The following MCCC2 variants were observed in gnomAD, a reference collection of about 807,000 sequenced individuals.
The protein encoded by MCCC2 is methylcrotonoyl-CoA carboxylase beta chain, mitochondrial.
A neutral mutation model predicts 77.2 loss-of-function variants in MCCC2; 52 were observed. The observed-to-expected ratio is 0.67, with a 90% CI of 0.54 to 0.85. The LOEUF (loss-of-function observed/expected upper bound fraction) is 0.85. MCCC2 is among the 40% of genes least tolerant of loss of function. MCCC2 has a pLI of 0.00. For synonymous variants in MCCC2, 253 were observed against 248.4 expected (o/e 1.02, Z -0.18); for missense variants, 682 against 703.2 (o/e 0.97, Z 0.34).
intron 15 of MCCC2, among the ~76,000 whole-genome samples, chr5:71,651,888 T>G (rs1044360140): frequency 6.6e-6 from 1 of 152,198 alleles, no homozygotes; most frequent in African/African-American, 2.4e-5. Flanking sequence ...CTTTGATTAC[T>G]TCAATATACA....
At chr5:71,612,995 G>T (rs1284825829) in intron 6 of MCCC2, among the ~76,000 whole-genome samples, 1 of 152,166 alleles carries the variant, frequency 6.6e-6, no homozygotes, top group East Asian at 1.9e-4. Context: ...CCAGCTCCTG[G>T]TGGCTCCAGG....
chr5:71,622,845 G>T (rs957404732), intron 6 of MCCC2, among the ~76,000 whole-genome samples: 9 of 152,158 alleles, frequency 5.9e-5, no homozygotes, highest in African/African-American at 2.2e-4. Context: ...GGTGGCTCAC[G>T]CCTGTAATCC....
At chr5:71,609,417 A>G (rs1254820426) in intron 6 of MCCC2, among the ~76,000 whole-genome samples, 3 of 151,162 alleles carry the variant, frequency 2.0e-5, no homozygotes, top group Non-Finnish European at 3.0e-5. Context: ...TTTCAGCTCC[A>G]TCAGCTCCTT....
At chr5:71,603,814 A>G (rs1745553820) in intron 5 of MCCC2, among the ~76,000 whole-genome samples, 1 of 152,202 alleles carries the variant, frequency 6.6e-6, no homozygotes, top group Admixed American at 6.6e-5. Flanking sequence ...AATATATGAT[A>G]TGGCTCCTTT....
intron 10 of MCCC2, chr5:71,636,033 A>G (rs1431035823): frequency 6.9e-6 from 2 of 290,966 alleles, no homozygotes; most frequent in African/African-American, 4.4e-5. Flanking sequence ...TGTAGTTGAG[A>G]TAGTCTATAC....
chr5:71,604,469 G>A lies in MCCC2; in HGVS notation c.624+1G>A. ...TATGTCTTCTAAAAATATTGCACAG[G>A]TAATTTTTCATGAATAAAGTGTACA... On this transcript the variant is annotated splice_donor_variant, in intron 6 of 16. Transcript: ENST00000340941. LOFTEE classifies it high-confidence loss of function. 1.2e-6 allele frequency: 2 copies of A among 1,608,270 alleles called. No individual in the cohort carries two copies. Among genetic ancestry groups the A allele is most frequent in the Non-Finnish European group, 8.5e-7 (1 of 1,174,834 alleles).
intron 2 of MCCC2, among the ~76,000 whole-genome samples, chr5:71,593,562 A>ATTTTTTTTTTTTTTTTTTTTT (rs555848378): frequency 6.7e-6 from 1 of 148,882 alleles, no homozygotes; most frequent in Non-Finnish European, 1.5e-5. Context: ...ATTTTTATTA[A>ATTTTTTTTTTTTTTTTTTTTT]TTTTTTTTTT....
intron 13 of MCCC2, among the ~76,000 whole-genome samples, chr5:71,647,252 G>C (rs1161671432): frequency 6.6e-6 from 1 of 152,184 alleles, no homozygotes; most frequent in Admixed American, 6.5e-5. Flanking sequence ...CTTTGAGAAG[G>C]AAGAGTCAGG....
rs6896725 is a variant in MCCC2 at position 71,649,643 on chromosome 5, A to C, written c.1373+390A>C. Reference sequence around the variant, plus strand: ...GAACAGCACGTTAAACCCGTGACAAATAGAAAGGACATAATGAAGAGCAGA... The same window carrying C: ...GAACAGCACGTTAAACCCGTGACAACTAGAAAGGACATAATGAAGAGCAGA... On this transcript the variant is annotated intron_variant, in intron 14 of 16. Transcript: ENST00000340941. Among the ~76,000 whole-genome samples the C allele has an allele frequency of 2.1e-3, 326 of 152,348 alleles. 3 individuals are homozygous for C. Among genetic ancestry groups the C allele is most frequent in the African/African-American group, 7.6e-3 (315 of 41,580 alleles).
chr5:71,633,091 T>TTTTATATATATATATATA (rs1172020093), intron 8 of MCCC2, among the ~76,000 whole-genome samples: 7 of 84,244 alleles, frequency 8.3e-5, no homozygotes, highest in African/African-American at 3.0e-4. Flanking sequence ...TTTTTCAGTT[T>TTTTATATATATATATATA]TATATATATA....
chr5:71,614,730 C>T (rs1746102516), intron 6 of MCCC2, among the ~76,000 whole-genome samples: 2 of 151,990 alleles, frequency 1.3e-5, no homozygotes, highest in Non-Finnish European at 2.9e-5. Flanking sequence ...GTGATCTGCC[C>T]GCATTGGTCT....
At chr5:71,640,961 T>A (rs745416943) in intron 10 of MCCC2, 42 bp from the exon 11 acceptor site, 4 of 1,550,068 alleles carry the variant, frequency 2.6e-6, no homozygotes, top group Middle Eastern at 3.5e-4. Context: ...AAAATTCTTT[T>A]GCAATATAAT....
chr5:71,646,161 T>A (rs1325321294), intron 12 of MCCC2, 50 bp from the exon 13 acceptor site: 1 of 1,470,256 alleles, frequency 6.8e-7, no homozygotes. Flanking sequence ...TGCATGATGA[T>A]AATAGAGTTA....
At chr5:71,594,100 A>G (rs1037329953) in intron 2 of MCCC2, among the ~76,000 whole-genome samples, 1 of 152,176 alleles carries the variant, frequency 6.6e-6, no homozygotes, top group Admixed American at 6.5e-5. Context: ...ATTTTAGATC[A>G]AGGTGTTGTC....
intron 7 of MCCC2, among the ~76,000 whole-genome samples, chr5:71,626,955 C>T (rs895974405): frequency 7.2e-5 from 11 of 152,128 alleles, no homozygotes; most frequent in African/African-American, 1.4e-4. Context: ...CCATCTATCT[C>T]GAGAACATTT....
chr5:71,602,418 A>T, intron 4 of MCCC2, 88 bp from the exon 5 acceptor site: 1 of 1,537,432 alleles, frequency 6.5e-7, no homozygotes, highest in Non-Finnish European at 9.0e-7. Context: ...TAGAAGTTGA[A>T]GGTTGTATTG....
chr5:71,608,937 G>A lies in MCCC2; in HGVS notation c.624+4469G>A, dbSNP rs917607263. On this transcript the variant is annotated intron_variant, in intron 6 of 16. Coordinates refer to ENST00000340941, the MANE Select transcript of MCCC2 (RefSeq NM_022132.5). The stretch of plus-strand genomic sequence containing the variant: ...CTTGTAGGTTTCTGCCGAGAGATCC[G>A]CTGTTAGTCTGATGGGCTTCCCTTT... Among the ~76,000 whole-genome samples, 10 of 152,068 alleles carry A rather than the reference G, an allele frequency of 6.6e-5. 1 individual carries two copies. The highest frequency in any genetic ancestry group is 4.8e-5 in the African/African-American group (2 of 41,386).
chr5:71,632,753 G>A (rs755655430), intron 8 of MCCC2, among the ~76,000 whole-genome samples: 37 of 152,236 alleles, frequency 2.4e-4, no homozygotes, highest in African/African-American at 3.9e-4. Flanking sequence ...CCAACATGAT[G>A]CCTCTATGTG....
At chr5:71,656,429 A>G (rs1251250225) in intron 16 of MCCC2, among the ~76,000 whole-genome samples, 1 of 152,128 alleles carries the variant, frequency 6.6e-6, no homozygotes, top group Non-Finnish European at 1.5e-5. Flanking sequence ...GGAATAGGAA[A>G]ATTTTTCCTG....
Sources: gnomAD v4.1 joint callset for allele counts (sites outside exome capture counted in the v4.1 genomes callset) on GRCh38, gnomAD v4.1.1 for gene constraint, MANE v1.5 for transcripts, NCBI Gene and HGNC (gene_info 2026-07-23, HGNC 2026-07-21) for gene names.